Variants in DHX30 observed in about 807,000 individuals in gnomAD.
DHX30 encodes ATP-dependent RNA helicase DHX30.
Under a neutral mutation model 116.9 loss-of-function variants are expected in DHX30, and 4 were observed. That is an observed-to-expected ratio of 0.03 (90% CI 0.02 to 0.08). The LOEUF (loss-of-function observed/expected upper bound fraction) is 0.08. DHX30 is among the 10% of genes least tolerant of loss of function. The probability of loss-of-function intolerance (pLI) is 1.00; values close to 1 mark genes in which losing one functional copy is unlikely to be tolerated. For missense variants in DHX30, 871 were observed against 1,595.1 expected (o/e 0.55, Z 7.73); for synonymous variants, 697 against 651.7 (o/e 1.07, Z -1.06).
intron 8 of DHX30, 33 bp downstream of exon 8, chr3:47,841,770 G>T: frequency 6.2e-7 from 1 of 1,613,998 alleles, no homozygotes; most frequent in Non-Finnish European, 8.5e-7. Context: ...TTGTGTGGGG[G>T]CCGTTTACTT....
At position 47,846,380 on chromosome 3, in the gene DHX30, G is replaced by C. The variant is rs1398682522; in HGVS notation, c.1308G>C (p.Val436=). The part of the protein sequence containing the change: ...PVWQEAPQLP[V]DPHRDTILNA... ...GGCAGGAGGCCCCCCAGCTACCTGT[G>C]GACCCACATCGGGACACCATCCTCA... Residue 436 remains valine (V), a synonymous_variant, in exon 11 of 22, where the codon GTG becomes GTC. Coordinates refer to ENST00000445061, the MANE Select transcript of DHX30 (RefSeq NM_138615.3). 1 of 1,614,076 alleles carries C rather than the reference G, an allele frequency of 6.2e-7. No homozygotes were observed. Among genetic ancestry groups the C allele is most frequent in the Non-Finnish European group, 8.5e-7 (1 of 1,180,042 alleles).
chr3:47,808,448 T>G (rs1271621316), intron 2 of DHX30, among the ~76,000 whole-genome samples: 1 of 151,436 alleles, frequency 6.6e-6, no homozygotes, highest in Non-Finnish European at 1.5e-5. Context: ...GAACTCCTGG[T>G]CTCAAGTGCT....
In DHX30 at chr3:47,841,040, G is replaced by C. The variant is rs1004682710; in HGVS notation, c.530G>C (p.Gly177Ala). The change falls in exon 7 of 22, where the codon GGA becomes GCA. Residue 177 changes from glycine (G) to alanine (A), a missense_variant. Physicochemically the swap from Gly to Ala is moderately conservative, Grantham distance 60 (BLOSUM62 0). Around this residue, in one of 13 missense-constraint regions of DHX30, gnomAD observed 109 missense variants for 118.8 expected, o/e 0.92. Transcript: ENST00000445061. Reference protein sequence around the residue: ...QLNPESIRPGGPGGLSRSLGR... With the variant: ...QLNPESIRPGAPGGLSRSLGR... ...AATCCAGAGAGTATTCGACCAGGGG[G>C]ACCTGGGGGCCTATCCCGCTCTTTA... 2 of 1,614,204 alleles carry C rather than the reference G, an allele frequency of 1.2e-6. No individual in the cohort carries two copies. The highest frequency in any genetic ancestry group is 2.2e-5 in the South Asian group (2 of 91,086).
chr3:47,806,133 A>G lies in DHX30; in HGVS notation c.-28+713A>G, dbSNP rs1391871689. 3.5e-5 allele frequency among the ~76,000 whole-genome samples: 5 copies of G among 142,596 alleles called. No homozygotes were observed. The Admixed American group carries it at 3.7e-4, about 10-fold the overall frequency. 93.5% of individuals were successfully genotyped at this position (142,596 alleles called of 152,430 possible). ...CAGCCTCATGCCACCAAGCCCGGCTAATTTTTTTGTATTTTTTTTTTTTTT... is the reference window on the plus strand; with the variant it reads ...CAGCCTCATGCCACCAAGCCCGGCTGATTTTTTTGTATTTTTTTTTTTTTT... On this transcript the variant is annotated intron_variant, in intron 2 of 21. Transcript: ENST00000445061.
At chr3:47,824,836 A>G (rs1576481299) in intron 4 of DHX30, 3 of 434,622 alleles carry the variant, frequency 6.9e-6, no homozygotes, top group African/African-American at 2.1e-5. Flanking sequence ...TGAGCTCTGC[A>G]GGGTCCTAGC....
At chr3:47,819,386 C>A in intron 4 of DHX30, 2 of 915,098 alleles carry the variant, frequency 2.2e-6, no homozygotes, top group Non-Finnish European at 3.3e-6. Flanking sequence ...ACACTGATCG[C>A]AGGATGGGCA....
chr3:47,839,659 G>T (rs1318717115), intron 6 of DHX30, among the ~76,000 whole-genome samples: 1 of 151,512 alleles, frequency 6.6e-6, no homozygotes, highest in Non-Finnish European at 1.5e-5. Flanking sequence ...TCATGGTGTG[G>T]GCTACATAGG....
intron 2 of DHX30, 47 bp downstream of exon 2, chr3:47,805,467 A>G (rs2035474844): frequency 7.5e-6 from 3 of 398,952 alleles, no homozygotes; most frequent in Non-Finnish European, 1.3e-5. Flanking sequence ...TCTGATGCTC[A>G]GCTGTACTGT....
At chr3:47,837,619 G>A (rs994091079) in intron 6 of DHX30, among the ~76,000 whole-genome samples, 1 of 152,084 alleles carries the variant, frequency 6.6e-6, no homozygotes, top group African/African-American at 2.4e-5. Flanking sequence ...AAATTAGCCG[G>A]GCCTGGTGGC....
chr3:47,824,906 T>C (rs1176407932), intron 4 of DHX30: 2 of 478,076 alleles, frequency 4.2e-6, no homozygotes, highest in Admixed American at 4.4e-5. Flanking sequence ...GAGGACGGGC[T>C]GCTGATGCCC....
At chr3:47,821,780 G>A (rs1413372980) in intron 4 of DHX30, among the ~76,000 whole-genome samples, 1 of 151,776 alleles carries the variant, frequency 6.6e-6, no homozygotes, top group Non-Finnish European at 1.5e-5. Flanking sequence ...TGTATTTTTA[G>A]TAGAGATGGA....
intron 6 of DHX30, among the ~76,000 whole-genome samples, chr3:47,834,279 T>G (rs1000667331): frequency 4.6e-5 from 7 of 151,954 alleles, no homozygotes; most frequent in Admixed American, 2.6e-4. Context: ...AATTTTTGTA[T>G]TTTTTGTAGA....
intron 3 of DHX30, chr3:47,816,368 T>TC (rs2036057187): frequency 8.1e-6 from 8 of 983,358 alleles, no homozygotes; most frequent in Non-Finnish European, 9.6e-6. Flanking sequence ...TTTTTTTTTT[T>TC]TTTTTTTTAA....
chr3:47,843,011 C>T (rs541813894), intron 8 of DHX30, 95 bp from the exon 9 acceptor site: 11 of 1,473,166 alleles, frequency 7.5e-6, no homozygotes, highest in Middle Eastern at 3.5e-4. Flanking sequence ...GATGGTGGCT[C>T]ATTCTGTCTC....
At chr3:47,823,655 C>T (rs573097781) in intron 4 of DHX30, among the ~76,000 whole-genome samples, 1 of 152,286 alleles carries the variant, frequency 6.6e-6, no homozygotes, top group Admixed American at 6.5e-5. Context: ...AGCCACTGCG[C>T]CTGGCTGATT....
intron 2 of DHX30, among the ~76,000 whole-genome samples, chr3:47,807,729 C>CAAAAAAAAAAAAAAAAAAAAAA (rs2035595417): frequency 1.6e-5 from 2 of 127,486 alleles, no homozygotes; most frequent in African/African-American, 5.8e-5. Flanking sequence ...AAAAAAAAAG[C>CAAAAAAAAAAAAAAAAAAAAAA]AAAATCAAGA....
At chr3:47,820,075 G>A (rs1454648311) in intron 4 of DHX30, among the ~76,000 whole-genome samples, 1 of 152,222 alleles carries the variant, frequency 6.6e-6, no homozygotes, top group Non-Finnish European at 1.5e-5. Context: ...CATTTTGGGA[G>A]GCCAAGGTGG....
intron 6 of DHX30, among the ~76,000 whole-genome samples, chr3:47,832,605 G>A (rs2036910435): frequency 6.7e-6 from 1 of 149,584 alleles, no homozygotes; most frequent in Non-Finnish European, 1.5e-5. Context: ...GGATGATTTT[G>A]TTCCTCACGG....
chr3:47,805,561 C>T (rs2035478704), intron 2 of DHX30, 141 bp downstream of exon 2: 1 of 385,666 alleles, frequency 2.6e-6, no homozygotes, highest in Non-Finnish European at 4.6e-6. Flanking sequence ...ATTTTTGAGA[C>T]AGAGTCTCGC....
Sources: allele counts gnomAD v4.1 joint callset (sites outside exome capture counted in the v4.1 genomes callset), GRCh38; gene constraint gnomAD v4.1.1; regional missense constraint gnomAD v4.1.1; transcripts MANE v1.5; gene names NCBI Gene and HGNC (gene_info 2026-07-23, HGNC 2026-07-21).